PLPP5: variants seen among roughly 807,000 people sequenced by gnomAD.
The protein encoded by PLPP5 is phospholipid phosphatase 5, also known as diacylglycerol pyrophosphate like 1.
Under a neutral mutation model 23.6 loss-of-function variants are expected in PLPP5, and 29 were observed. That is an observed-to-expected ratio of 1.23 (90% CI 0.92 to 1.68). The LOEUF is 1.68. Ranked by LOEUF, PLPP5 falls within the 40% of genes most tolerant of loss-of-function variation. The pLI, the probability that PLPP5 is intolerant of heterozygous loss-of-function variation, is 0.00. For synonymous variants in PLPP5, 143 were observed against 131.3 expected, an observed-to-expected ratio of 1.09 and a Z score of -0.61; for missense variants, 315 against 332.1, an observed-to-expected ratio of 0.95 and a Z score of 0.40.
intron 6 of PLPP5, chr8:38,265,011 G>T: frequency 8.7e-7 from 1 of 1,150,880 alleles, no homozygotes; most frequent in Non-Finnish European, 1.3e-6. Context: ...ACTCACGCCT[G>T]TAATCCCAGC....
intron 6 of PLPP5, chr8:38,265,073 C>A: frequency 1.4e-6 from 1 of 711,450 alleles, no homozygotes. Flanking sequence ...TTGAGACCAG[C>A]CTGACCAACA....
rs1807588018 is a variant in PLPP5, at chr8:38,266,367, A to AT, written c.464-57dup. 1.0e-5 allele frequency: 15 copies of AT among 1,466,812 alleles called. No individual in the cohort carries two copies. The Admixed American group carries it at 2.3e-4, about 23-fold the overall frequency. The allele number at this position is 1,466,812 out of a possible 1,614,324, so 90.9% of individuals were successfully genotyped here. A position where few individuals can be genotyped will look rare whatever the true frequency, so the allele number is the denominator to read the frequency against. ...TCTTTTAAAGGAAGCTACCTCATTC[A>AT]TCCCCACATAGGAGGCTAGGAAGCA... On this transcript the variant is annotated intron_variant, in intron 5 of 6. Coordinates refer to ENST00000424479, the MANE Select transcript of PLPP5 (RefSeq NM_001102559.2).
At position 38,267,297 on chromosome 8, in the gene PLPP5, G is replaced by C; in HGVS notation, c.433C>G (p.Arg145Gly). Reference sequence around the variant, plus strand: ...GAATGTCCACTGGGGAAGCTCTTTCGGCCCTCATTCACCACGTCCTTATCC... The same window carrying C: ...GAATGTCCACTGGGGAAGCTCTTTCCGCCCTCATTCACCACGTCCTTATCC... The part of the protein sequence containing the change: ...TGDKDVVNEG[R>G]KSFPSGHSSF... Residue 145 changes from arginine to glycine, a missense_variant, in exon 5 of 7, where the codon CGA (arginine) becomes GGA (glycine). Transcript: ENST00000424479. 4 of 1,613,936 alleles carry C rather than the reference G, an allele frequency of 2.5e-6. No individual in the cohort carries two copies. Among genetic ancestry groups the C allele is most frequent in the South Asian group, 1.1e-5 (1 of 91,078 alleles).
At chr8:38,266,489 C>T (rs533322700) in intron 5 of PLPP5, 178 bp from the exon 6 acceptor site, 76 of 573,800 alleles carry the variant, frequency 1.3e-4, no homozygotes, top group African/African-American at 1.2e-3. Context: ...CAACCTCCAC[C>T]ACCCGGGTTC....
In PLPP5 at chr8:38,267,267, AG is replaced by A. The variant is rs1166851563; in HGVS notation, c.462del (p.Phe155LeufsTer43). 8.1e-6 allele frequency: 13 copies of A among 1,614,010 alleles called. No individual in the cohort carries two copies. Among genetic ancestry groups the A allele is most frequent in the Non-Finnish European group, 1.1e-5 (13 of 1,179,870 alleles). ...GGTAGAGTCCATATGATATTCATAC[AG>A]GAAGAATGTCCACTGGGGAAGCTCT... ...GRKSFPSGHS[S>X]FAFAGLAFAS... On this transcript the variant is annotated frameshift_variant and splice_region_variant, in exon 5 of 7. Coordinates refer to ENST00000424479, the MANE Select transcript of PLPP5 (RefSeq NM_001102559.2). LOFTEE classifies it high-confidence loss of function.
rs570426144 is a variant in PLPP5, at chr8:38,268,551, C to G, written c.184-90G>C. 2.7e-5 allele frequency: 41 copies of G among 1,518,758 alleles called. No homozygotes were observed. The South Asian group carries it at 4.4e-4, about 16-fold the overall frequency. 94.1% of individuals were successfully genotyped at this position (1,518,758 alleles called of 1,614,324 possible). A position where few individuals can be genotyped will look rare whatever the true frequency, so the allele number is the denominator to read the frequency against. ...AAGAGGGATGTGACACAGCAGGACT[C>G]ACTGGAGCTAACATAAGGTCTCTGA... On this transcript the variant is annotated intron_variant, in intron 2 of 6. Transcript: ENST00000424479.
At chr8:38,267,489 A>G (rs1807826636) in intron 4 of PLPP5, 98 bp from the exon 5 acceptor site, 24 of 1,430,422 alleles carry the variant, frequency 1.7e-5, no homozygotes, top group Non-Finnish European at 2.3e-5. Flanking sequence ...TATTGGTCAA[A>G]TAGTGCCCCA....
At position 38,267,368 on chromosome 8, in the gene PLPP5, C is replaced by G; in HGVS notation, c.362G>C (p.Arg121Pro). ...ATGGGCTAGCCCATCAGGGAAGCAGCGGTAGAAGAAATCTGGGCGTGGCCT... is the reference window on the plus strand; with the variant it reads ...ATGGGCTAGCCCATCAGGGAAGCAGGGGTAGAAGAAATCTGGGCGTGGCCT... ...VGRPRPDFFYRCFPDGLAHSD... is the reference protein window; with the variant it reads ...VGRPRPDFFYPCFPDGLAHSD... Residue 121 changes from arginine to proline, a missense_variant, in exon 5 of 7, where the codon CGC becomes CCC. Transcript: ENST00000424479. 1 of 1,613,510 alleles carries G rather than the reference C, an allele frequency of 6.2e-7. No individual in the cohort carries two copies. Among genetic ancestry groups the G allele is most frequent in the Non-Finnish European group, 8.5e-7 (1 of 1,179,696 alleles).
chr8:38,266,493 C>A lies in PLPP5; in HGVS notation c.464-182G>T. ...TCGGCTCACTGCAACCTCCACCACC[C>A]GGGTTCAAGCGATTCTCCTGCCTTA... On this transcript the variant is annotated intron_variant, in intron 5 of 6. Coordinates refer to ENST00000424479, the MANE Select transcript of PLPP5 (RefSeq NM_001102559.2). 7 of 553,290 alleles carry A rather than the reference C, an allele frequency of 1.3e-5. No homozygotes were observed. In the South Asian group the frequency reaches 1.3e-4, roughly 10 times the overall value. The allele number at this position is 553,290 out of a possible 1,614,324, so 34.3% of individuals were successfully genotyped here.
At position 38,263,877 on chromosome 8, in the gene PLPP5, C is replaced by T. The variant is rs1807224517; in HGVS notation, c.*567G>A. On this transcript the variant is annotated 3_prime_UTR_variant, in exon 7 of 7. Coordinates refer to ENST00000424479, the MANE Select transcript of PLPP5 (RefSeq NM_001102559.2). ...TAAATGTAAAAACACTGTAGATCTT[C>T]AGATATTAATCTGATAGACCAGATT... 2.0e-6 allele frequency: 2 copies of T among 985,172 alleles called. 1 individual carries two copies. Among genetic ancestry groups the T allele is most frequent in the African/African-American group, 3.5e-5 (2 of 57,206 alleles). The allele number at this position is 985,172 out of a possible 1,614,324, so 61.0% of individuals were successfully genotyped here.
At position 38,269,179 on chromosome 8, in the gene PLPP5, C is replaced by A. The variant is rs765375665; in HGVS notation, c.21G>T (p.Ala7=). 6.7e-6 allele frequency: 10 copies of A among 1,500,142 alleles called. No homozygotes were observed. In the East Asian group the frequency reaches 2.7e-4, roughly 41 times the overall value. 92.9% of individuals were successfully genotyped at this position (1,500,142 alleles called of 1,614,324 possible). A position where few individuals can be genotyped will look rare whatever the true frequency, so the allele number is the denominator to read the frequency against. The change falls in exon 1 of 7, where the codon GCG becomes GCT. Residue 7 remains alanine, a synonymous_variant. Transcript: ENST00000424479. The part of the protein sequence containing the change: MGKAAA[A]VAFGAEVGVR... The stretch of plus-strand genomic sequence containing the variant: ...CGCCCACTTCGGCCCCAAAGGCCAC[C>A]GCCGCCGCCGCCTTCCCCATCCGGC...
At chr8:38,266,100 G>A (rs903226467) in intron 6 of PLPP5, 41 bp downstream of exon 6, 2 of 1,591,966 alleles carry the variant, frequency 1.3e-6, no homozygotes, top group Admixed American at 3.4e-5. Flanking sequence ...AATAAAATGA[G>A]TGAAATATGC....
chr8:38,268,371 C>G lies in PLPP5; in HGVS notation c.274G>C (p.Ala92Pro). 3.2e-6 allele frequency: 5 copies of G among 1,565,386 alleles called. No individual in the cohort carries two copies. The highest frequency in any genetic ancestry group is 4.3e-6 in the Non-Finnish European group (5 of 1,154,536). Residue 92 changes from alanine (A) to proline (P), a missense_variant and splice_region_variant, in exon 3 of 7, where the codon GCT becomes CCT. By Grantham distance (27) the Ala-to-Pro change is conservative (BLOSUM62 -1). Coordinates refer to ENST00000424479, the MANE Select transcript of PLPP5 (RefSeq NM_001102559.2). ...DTRDSRQACLAASLALALNGV... is the reference protein window; with the variant it reads ...DTRDSRQACLPASLALALNGV... ...CCGGCCCGAAAGGGCTAGCGCTCAC[C>G]CAGGCAGGCTTGTCTGCTGTCTCTT...
Position 38,267,371 on chromosome 8 carries a change from T to A in PLPP5, c.359A>T (p.Tyr120Phe), listed in dbSNP as rs1286068459. Residue 120 changes from tyrosine to phenylalanine, a missense_variant, in exon 5 of 7, where the codon TAC becomes TTC. By Grantham distance (22) the Tyr-to-Phe change is conservative. Transcript: ENST00000424479. ...GGCTAGCCCATCAGGGAAGCAGCGG[T>A]AGAAGAAATCTGGGCGTGGCCTGGA... ...IVGRPRPDFF[Y>F]RCFPDGLAHS... The A allele has an allele frequency of 6.2e-7, 1 of 1,613,730 alleles. No homozygotes were observed. The highest frequency in any genetic ancestry group is 8.5e-7 in the Non-Finnish European group (1 of 1,179,774).
In PLPP5 at chr8:38,264,461, A is replaced by G; in HGVS notation, c.778T>C (p.Tyr260His). 6.5e-7 allele frequency: 1 copy of G among 1,548,952 alleles called. No homozygotes were observed. Among genetic ancestry groups the G allele is most frequent in the Non-Finnish European group, 8.7e-7 (1 of 1,146,388 alleles). The change falls in exon 7 of 7, where the codon TAT (tyrosine) becomes CAT (histidine). Residue 260 changes from tyrosine to histidine, a missense_variant. Tyr to His is a moderately conservative substitution (Grantham distance 83). Transcript: ENST00000424479. ...TTCAATTTTTAAATATCAAAACAAT[A>G]AGAATCCCCAGGCTTCTGTGCAGTG... ...LSTAQKPGDS[Y>H]CFDI
At chr8:38,265,005 A>G in intron 6 of PLPP5, 1 of 1,232,494 alleles carries the variant, frequency 8.1e-7, no homozygotes. Flanking sequence ...ACGGTGACTC[A>G]CGCCTGTAAT....
chr8:38,268,494 C>CA (rs548817461), intron 2 of PLPP5, 33 bp from the exon 3 acceptor site: 363 of 1,545,044 alleles, frequency 2.3e-4, no homozygotes, highest in African/African-American at 2.0e-3. Context: ...AAAAACAATC[C>CA]AAAAAAAAGC....
At chr8:38,264,762 C>A in intron 6 of PLPP5, 158 bp from the exon 7 acceptor site, 1 of 1,456,506 alleles carries the variant, frequency 6.9e-7, no homozygotes, top group Non-Finnish European at 9.1e-7. Flanking sequence ...TCTTTTTATT[C>A]TCAATTTTAT....
intron 6 of PLPP5, 118 bp from the exon 7 acceptor site, chr8:38,264,722 C>T: frequency 2.8e-6 from 4 of 1,437,100 alleles, no homozygotes; most frequent in Non-Finnish European, 1.8e-6. Flanking sequence ...AAAATAACCT[C>T]AATTCCAGAC....
Sources: allele counts gnomAD v4.1 joint callset, GRCh38; gene constraint gnomAD v4.1.1; transcripts MANE v1.5; gene names NCBI Gene and HGNC (gene_info 2026-07-23, HGNC 2026-07-21).